Variants in DACH1 observed in about 807,000 individuals in gnomAD.
The protein encoded by DACH1 is dachshund family transcription factor 1.
Under a neutral mutation model 54.2 loss-of-function variants are expected in DACH1, and 12 were observed. The ratio of observed to expected loss-of-function variants is 0.22; its 90% CI spans 0.14 to 0.36. DACH1 has a LOEUF of 0.36. DACH1 is among the 10% of genes least tolerant of loss of function. DACH1 has a pLI of 1.00. For synonymous variants in DACH1, 386 were observed against 366.2 expected (o/e 1.05, Z -0.62); for missense variants, 805 against 929.8 (o/e 0.87, Z 1.75).
intron 1 of DACH1, among the ~76,000 whole-genome samples, chr13:71,779,451 T>C (rs557782242): frequency 9.2e-5 from 14 of 151,736 alleles, no homozygotes; most frequent in East Asian, 3.9e-4. Flanking sequence ...ATTTAGAAAA[T>C]AGAATGCAGA....
chr13:71,763,647 A>G (rs1289661442), intron 1 of DACH1, among the ~76,000 whole-genome samples: 6 of 152,204 alleles, frequency 3.9e-5, no homozygotes, highest in Admixed American at 2.6e-4. Flanking sequence ...ACAGGTGCAC[A>G]TTACTGCACC....
chr13:71,734,162 T>G (rs532597640), intron 1 of DACH1, among the ~76,000 whole-genome samples: 4 of 114,974 alleles, frequency 3.5e-5, no homozygotes, highest in African/African-American at 9.8e-5. Context: ...CCCATATACG[T>G]ATACCCCATA....
intron 10 of DACH1, among the ~76,000 whole-genome samples, chr13:71,465,916 C>T (rs898998065): frequency 6.6e-6 from 1 of 152,096 alleles, no homozygotes; most frequent in Non-Finnish European, 1.5e-5. Context: ...ATTGTTGTTA[C>T]TATAGTACCA....
At chr13:71,568,030 G>A (rs980128249) in intron 4 of DACH1, among the ~76,000 whole-genome samples, 2 of 151,798 alleles carry the variant, frequency 1.3e-5, no homozygotes, top group Non-Finnish European at 2.9e-5. Flanking sequence ...GATTTATATT[G>A]TTTATTTTAC....
chr13:71,495,521 A>T (rs1879335435), intron 6 of DACH1, among the ~76,000 whole-genome samples: 1 of 152,098 alleles, frequency 6.6e-6, no homozygotes, highest in African/African-American at 2.4e-5. Context: ...AAATTTTGAA[A>T]ATTATTTCCA....
intron 6 of DACH1, among the ~76,000 whole-genome samples, chr13:71,504,931 T>C (rs1262824111): frequency 1.3e-5 from 2 of 152,208 alleles, no homozygotes; most frequent in African/African-American, 4.8e-5. Context: ...CTTTTACATG[T>C]AGGATGAATC....
chr13:71,754,255 C>T (rs187262116), intron 1 of DACH1, among the ~76,000 whole-genome samples: 1 of 152,304 alleles, frequency 6.6e-6, no homozygotes, highest in East Asian at 1.9e-4. Flanking sequence ...TCCCTTCTGG[C>T]ATCGCCCATG....
chr13:71,686,243 G>T (rs1304924915), intron 1 of DACH1, among the ~76,000 whole-genome samples: 1 of 152,070 alleles, frequency 6.6e-6, no homozygotes, highest in Non-Finnish European at 1.5e-5. Context: ...TCAAACATCT[G>T]CATTAAAAGA....
At chr13:71,491,883 G>A (rs1225820817) in intron 6 of DACH1, among the ~76,000 whole-genome samples, 1 of 152,144 alleles carries the variant, frequency 6.6e-6, no homozygotes, top group Non-Finnish European at 1.5e-5. Flanking sequence ...AAAAGTTTGA[G>A]AGGCCAATGT....
At chr13:71,609,231 T>A (rs1311479589) in intron 3 of DACH1, among the ~76,000 whole-genome samples, 3 of 151,920 alleles carry the variant, frequency 2.0e-5, no homozygotes, top group Non-Finnish European at 4.4e-5. Flanking sequence ...GAAAAAAAAA[T>A]CCACATCATC....
At chr13:71,477,073 T>G (rs757961286) in intron 8 of DACH1, among the ~76,000 whole-genome samples, 1 of 140,454 alleles carries the variant, frequency 7.1e-6, no homozygotes, top group East Asian at 2.1e-4. Context: ...TAATCCTGTT[T>G]TTATTATTAT....
intron 3 of DACH1, among the ~76,000 whole-genome samples, chr13:71,581,947 C>T (rs868075700): frequency 3.3e-5 from 5 of 152,016 alleles, no homozygotes; most frequent in Middle Eastern, 3.4e-3. Context: ...AATAGTCATG[C>T]AGAGATTGAC....
intron 3 of DACH1, among the ~76,000 whole-genome samples, chr13:71,612,484 AG>A (rs973449547): frequency 6.6e-6 from 1 of 152,150 alleles, no homozygotes; most frequent in Admixed American, 6.5e-5. Flanking sequence ...TTAAAAAAAA[AG>A]ATTAGACCTT....
chr13:71,709,756 G>C (rs1882622267), intron 1 of DACH1, among the ~76,000 whole-genome samples: 1 of 152,154 alleles, frequency 6.6e-6, no homozygotes, highest in Admixed American at 6.5e-5. Flanking sequence ...GTTGGGTACT[G>C]TCCGCCATTT....
At chr13:71,479,356 C>G (rs1407488384) in intron 7 of DACH1, 40 bp from the exon 8 acceptor site, 11 of 1,577,516 alleles carry the variant, frequency 7.0e-6, no homozygotes, top group Non-Finnish European at 9.4e-6. Flanking sequence ...TATTTTAATA[C>G]AAAGCAAATT....
intron 1 of DACH1, among the ~76,000 whole-genome samples, chr13:71,849,419 G>A (rs747653472): frequency 9.2e-5 from 14 of 152,270 alleles, no homozygotes; most frequent in Non-Finnish European, 1.3e-4. Context: ...CCTGTGGATC[G>A]ACTGGTCTTG....
chr13:71,760,209 G>T (rs1181808594), intron 1 of DACH1, among the ~76,000 whole-genome samples: 4 of 152,152 alleles, frequency 2.6e-5, no homozygotes, highest in Admixed American at 1.3e-4. Context: ...AATTGGATTT[G>T]CTCGTGGTGA....
At position 71,715,587 on chromosome 13, in the gene DACH1, A is replaced by G. The variant is rs1882929975; in HGVS notation, c.849-33677T>C. 1.3e-5 allele frequency among the ~76,000 whole-genome samples: 2 copies of G among 152,076 alleles called. 1 individual carries two copies. Among genetic ancestry groups the G allele is most frequent in the Non-Finnish European group, 2.9e-5 (2 of 67,978 alleles). On this transcript the variant is annotated intron_variant, in intron 1 of 10. Transcript: ENST00000613252. ...ATTTCTCTGAGTAAAAGTATTATACAGAAATTTTAACAGCTGTTGATATCT... is the reference window on the plus strand; with the variant it reads ...ATTTCTCTGAGTAAAAGTATTATACGGAAATTTTAACAGCTGTTGATATCT...
At chr13:71,513,157 T>C (rs1880908036) in intron 6 of DACH1, among the ~76,000 whole-genome samples, 2 of 151,960 alleles carry the variant, frequency 1.3e-5, no homozygotes, top group African/African-American at 4.8e-5. Context: ...GTATTTGCAT[T>C]CCATTAATGT....
Sources: gnomAD v4.1 joint callset for allele counts (sites outside exome capture counted in the v4.1 genomes callset) on GRCh38, gnomAD v4.1.1 for gene constraint, MANE v1.5 for transcripts, NCBI Gene and HGNC (gene_info 2026-07-23, HGNC 2026-07-21) for gene names.